The following FRMD4A variants were observed in gnomAD, a reference collection of about 807,000 sequenced individuals.
FRMD4A encodes the protein FERM domain containing 4A.
A neutral mutation model predicts 129.1 loss-of-function variants in FRMD4A; 29 were observed. The observed-to-expected ratio is 0.22, with a 90% confidence interval of 0.17 to 0.31. The LOEUF is 0.31. FRMD4A is among the 10% of genes least tolerant of loss of function. FRMD4A has a pLI of 1.00. For missense variants in FRMD4A, 1,272 were observed against 1,375.8 expected, an observed-to-expected ratio of 0.92 and a Z score of 1.19; for synonymous variants, 634 against 571.6, an observed-to-expected ratio of 1.11 and a Z score of -1.56.
intron 2 of FRMD4A, among the ~76,000 whole-genome samples, chr10:13,868,933 A>G (rs570459053): frequency 3.2e-4 from 49 of 152,210 alleles, no homozygotes; most frequent in Non-Finnish European, 5.9e-4. Flanking sequence ...GACAATATTG[A>G]TGTAATAGAA....
intron 2 of FRMD4A, among the ~76,000 whole-genome samples, chr10:14,137,182 C>G (rs1839582878): frequency 6.6e-6 from 1 of 152,226 alleles, no homozygotes; most frequent in Non-Finnish European, 1.5e-5. Flanking sequence ...CTTTGCCTCC[C>G]TTCCACTGGA....
At chr10:13,834,641 G>C (rs555547552) in intron 3 of FRMD4A, among the ~76,000 whole-genome samples, 1 of 152,114 alleles carries the variant, frequency 6.6e-6, no homozygotes, top group African/African-American at 2.4e-5. Flanking sequence ...AAATTGATGC[G>C]TCTGAAATTT....
At chr10:13,970,339 G>A (rs943061887) in intron 2 of FRMD4A, among the ~76,000 whole-genome samples, 1 of 152,138 alleles carries the variant, frequency 6.6e-6, no homozygotes, top group East Asian at 1.9e-4. Context: ...GGGGTCCTGC[G>A]GGGCTGTGCC....
intron 2 of FRMD4A, among the ~76,000 whole-genome samples, chr10:14,207,585 G>C (rs1051681321): frequency 9.2e-5 from 14 of 151,830 alleles, no homozygotes; most frequent in Non-Finnish European, 1.6e-4. Context: ...CCCTTTTAAG[G>C]TTTTCTGCAA....
intron 2 of FRMD4A, among the ~76,000 whole-genome samples, chr10:13,879,665 T>A (rs1280641281): frequency 8.4e-6 from 1 of 119,304 alleles, no homozygotes; most frequent in Non-Finnish European, 1.8e-5. Flanking sequence ...CTTTCCTTCC[T>A]CTTCCTCCTC....
chr10:14,312,284 A>G (rs531163784), intron 2 of FRMD4A, among the ~76,000 whole-genome samples: 161 of 152,370 alleles, frequency 1.1e-3, no homozygotes, highest in African/African-American at 3.8e-3. Flanking sequence ...TTGTTTACAC[A>G]GTAAGATTCT....
chr10:13,807,515 AAAAG>A (rs1414579486), intron 4 of FRMD4A, among the ~76,000 whole-genome samples: 2 of 152,180 alleles, frequency 1.3e-5, no homozygotes, highest in Admixed American at 6.5e-5. Flanking sequence ...AAAGATTAAA[AAAAG>A]AAAGCAGACT....
chr10:13,958,484 C>T (rs1486443667), intron 2 of FRMD4A, among the ~76,000 whole-genome samples: 1 of 151,818 alleles, frequency 6.6e-6, no homozygotes, highest in Non-Finnish European at 1.5e-5. Flanking sequence ...GGGGTTTCAC[C>T]GTGTTAGCCA....
rs1424074053 is a variant in FRMD4A at position 13,666,414 on chromosome 10, A to G, written c.1375-89T>C. 1.1e-5 allele frequency: 10 copies of G among 871,926 alleles called. No homozygotes were observed. In the African/African-American group the frequency reaches 1.2e-4, roughly 10 times the overall value. 54.0% of individuals were successfully genotyped at this position (871,926 alleles called of 1,614,324 possible). A position where few individuals can be genotyped will look rare whatever the true frequency, so the allele number is the denominator to read the frequency against. ...CCCTCCCCTGTCCCAAGGCAAGTCC[A>G]GTTCCATGGGAGACACTCTTAAGAG... On this transcript the variant is annotated intron_variant, in intron 17 of 24. Transcript: ENST00000357447.
chr10:13,924,721 C>T (rs2095110375), intron 2 of FRMD4A, among the ~76,000 whole-genome samples: 1 of 152,042 alleles, frequency 6.6e-6, no homozygotes, highest in South Asian at 2.1e-4. Context: ...TGAGCATGGG[C>T]ACGGACATGT....
At chr10:14,248,955 T>G (rs1490822262) in intron 2 of FRMD4A, among the ~76,000 whole-genome samples, 6 of 152,232 alleles carry the variant, frequency 3.9e-5, no homozygotes, top group Non-Finnish European at 5.9e-5. Flanking sequence ...GGAAATGCCT[T>G]CTTTTCTAAG....
chr10:13,683,335 A>C (rs1019220446), intron 15 of FRMD4A, among the ~76,000 whole-genome samples: 2 of 152,118 alleles, frequency 1.3e-5, no homozygotes, highest in African/African-American at 4.8e-5. Flanking sequence ...CTCTAATGCC[A>C]GCACTTTGGG....
chr10:14,185,453 G>A (rs972623123), intron 2 of FRMD4A, among the ~76,000 whole-genome samples: 8 of 152,218 alleles, frequency 5.3e-5, no homozygotes, highest in South Asian at 4.1e-4. Context: ...TGTCGTGGCA[G>A]AAATTAGTAC....
chr10:14,078,585 T>C (rs1466412695), intron 2 of FRMD4A, among the ~76,000 whole-genome samples: 1 of 152,234 alleles, frequency 6.6e-6, no homozygotes, highest in Non-Finnish European at 1.5e-5. Flanking sequence ...CTCTCCTGGA[T>C]GTGTTTCATT....
At position 13,680,682 on chromosome 10, in the gene FRMD4A, C is replaced by T. The variant is rs180831965; in HGVS notation, c.1118-5638G>A. On this transcript the variant is annotated intron_variant, in intron 15 of 24. Transcript: ENST00000357447. ...CGGAGGTTGCGGTGAGCTGAGATGGCGCCACTGCACTCCAGCCGGGGTGAC... is the reference window on the plus strand; with the variant it reads ...CGGAGGTTGCGGTGAGCTGAGATGGTGCCACTGCACTCCAGCCGGGGTGAC... 3.2e-3 allele frequency among the ~76,000 whole-genome samples: 493 copies of T among 151,834 alleles called. 3 individuals carry two copies. Among genetic ancestry groups the T allele is most frequent in the Middle Eastern group, 0.01 (3 of 294 alleles).
At chr10:13,906,975 T>C (rs2094888811) in intron 2 of FRMD4A, among the ~76,000 whole-genome samples, 1 of 152,196 alleles carries the variant, frequency 6.6e-6, no homozygotes, top group African/African-American at 2.4e-5. Context: ...GGTGTTGCTG[T>C]GTCTCATCCT....
At chr10:13,697,732 A>AG (rs924859393) in intron 14 of FRMD4A, among the ~76,000 whole-genome samples, 6 of 152,062 alleles carry the variant, frequency 3.9e-5, no homozygotes, top group African/African-American at 1.5e-4. Context: ...CATCAGGGAG[A>AG]GAAAAAAAAA....
Position 13,846,983 on chromosome 10 carries a change from G to A in FRMD4A, c.111+11864C>T, listed in dbSNP as rs997197510. Among the ~76,000 whole-genome samples the A allele has an allele frequency of 2.0e-5, 3 of 152,332 alleles. No homozygotes were observed. In the South Asian group the frequency reaches 6.2e-4, roughly 32 times the overall value. ...GTGGCAAATGTCTACACTGGGGCAT[G>A]TATTGGAGAGGAGAAGGAAAGTTGT... is the stretch of plus-strand genomic sequence containing the variant. On this transcript the variant is annotated intron_variant, in intron 3 of 24. Coordinates refer to ENST00000357447, the MANE Select transcript of FRMD4A (RefSeq NM_018027.5).
At chr10:14,193,964 C>T (rs1842396699) in intron 2 of FRMD4A, among the ~76,000 whole-genome samples, 1 of 152,092 alleles carries the variant, frequency 6.6e-6, no homozygotes, top group African/African-American at 2.4e-5. Context: ...TATGGAAATT[C>T]CCTTTCTTTT....
Sources: gnomAD v4.1 joint callset for allele counts (sites outside exome capture counted in the v4.1 genomes callset) on GRCh38, gnomAD v4.1.1 for gene constraint, MANE v1.5 for transcripts, NCBI Gene and HGNC (gene_info 2026-07-23, HGNC 2026-07-21) for gene names.